Variants in RSPO3 observed in about 807,000 individuals in gnomAD.
RSPO3 encodes R-spondin-3.
Under a neutral mutation model 36.5 loss-of-function variants are expected in RSPO3, and 17 were observed. That is an observed-to-expected ratio of 0.47 (90% CI 0.32 to 0.70). RSPO3 has a LOEUF of 0.70. Ranked by LOEUF, RSPO3 falls within the 30% of genes least tolerant of loss-of-function variation. The pLI is 0.04. For synonymous variants in RSPO3, 108 were observed against 107.0 expected (o/e 1.01, Z -0.06); for missense variants, 294 against 322.5 (o/e 0.91, Z 0.68).
intron 4 of RSPO3, among the ~76,000 whole-genome samples, chr6:127,195,561 T>C (rs1775497700): frequency 6.6e-6 from 1 of 152,198 alleles, no homozygotes; most frequent in Admixed American, 6.5e-5. Flanking sequence ...GTAAAATAAG[T>C]TCCAAACTTA....
intron 4 of RSPO3, among the ~76,000 whole-genome samples, chr6:127,162,544 A>G (rs952416687): frequency 7.9e-5 from 12 of 152,178 alleles, no homozygotes; most frequent in African/African-American, 2.9e-4. Context: ...GAACAGGAAG[A>G]ATAAATAAAA....
intron 1 of RSPO3, among the ~76,000 whole-genome samples, chr6:127,145,195 A>G (rs1483810980): frequency 1.3e-5 from 2 of 151,908 alleles, no homozygotes; most frequent in Non-Finnish European, 2.9e-5. Flanking sequence ...ACCTTTTCAA[A>G]TCCTCTTTCT....
chr6:127,168,495 G>C (rs925439721), intron 4 of RSPO3, among the ~76,000 whole-genome samples: 26 of 152,188 alleles, frequency 1.7e-4, no homozygotes, highest in African/African-American at 5.8e-4. Context: ...GTACATTCTG[G>C]ATATTAGCCC....
intron 1 of RSPO3, among the ~76,000 whole-genome samples, chr6:127,136,600 G>A (rs1053869751): frequency 3.3e-5 from 5 of 152,108 alleles, no homozygotes; most frequent in Non-Finnish European, 5.9e-5. Context: ...CTTTTGGAAT[G>A]GGCAGAACAG....
rs558099069 is a variant in RSPO3, at chr6:127,197,160, T to C, written c.*1153T>C. 1.6e-5 allele frequency: 6 copies of C among 369,218 alleles called. No homozygotes were observed. Among genetic ancestry groups the C allele is most frequent in the Non-Finnish European group, 2.5e-5 (5 of 203,660 alleles). 22.9% of individuals were successfully genotyped at this position (369,218 alleles called of 1,614,324 possible). Reference sequence around the variant, plus strand: ...CCTGGTTCCTATGTAATTCAGAATATATTACATTTCTCAGTAATATTTGTT... The same window carrying C: ...CCTGGTTCCTATGTAATTCAGAATACATTACATTTCTCAGTAATATTTGTT... On this transcript the variant is annotated 3_prime_UTR_variant, in exon 5 of 5. Coordinates refer to ENST00000356698, the MANE Select transcript of RSPO3 (RefSeq NM_032784.5).
At chr6:127,144,644 T>TTTTTTTG (rs775151866) in intron 1 of RSPO3, among the ~76,000 whole-genome samples, 1 of 83,336 alleles carries the variant, frequency 1.2e-5, no homozygotes, top group African/African-American at 4.3e-5. Flanking sequence ...CTTCCCCTTG[T>TTTTTTTG]TTTTTTTTTT....
chr6:127,145,482 A>G (rs558901768), intron 1 of RSPO3, among the ~76,000 whole-genome samples: 34 of 152,208 alleles, frequency 2.2e-4, no homozygotes, highest in African/African-American at 7.5e-4. Flanking sequence ...CCTATCTCAC[A>G]AAAGTTTCTG....
intron 1 of RSPO3, among the ~76,000 whole-genome samples, chr6:127,142,982 ATTT>A (rs34440525): frequency 4.9e-5 from 7 of 143,188 alleles, no homozygotes; most frequent in Admixed American, 6.9e-5. Flanking sequence ...TGCCCAGCTA[ATTT>A]TTTTTTTTTT....
At chr6:127,179,373 A>G (rs1427689113) in intron 4 of RSPO3, among the ~76,000 whole-genome samples, 1 of 151,814 alleles carries the variant, frequency 6.6e-6, no homozygotes, top group Non-Finnish European at 1.5e-5. Context: ...CTTATCAATA[A>G]ATTCACCTTA....
At chr6:127,131,113 G>C (rs1217832888) in intron 1 of RSPO3, among the ~76,000 whole-genome samples, 1 of 152,016 alleles carries the variant, frequency 6.6e-6, no homozygotes, top group Non-Finnish European at 1.5e-5. Context: ...CAGATCAGTG[G>C]GATTTCCTTG....
intron 4 of RSPO3, among the ~76,000 whole-genome samples, chr6:127,193,812 T>C (rs1330691113): frequency 1.3e-5 from 2 of 152,308 alleles, no homozygotes; most frequent in African/African-American, 4.8e-5. Context: ...CCTGATCCCT[T>C]CTGTAGAAAT....
At chr6:127,181,955 A>G (rs1385168220) in intron 4 of RSPO3, among the ~76,000 whole-genome samples, 2 of 151,886 alleles carry the variant, frequency 1.3e-5, no homozygotes, top group Non-Finnish European at 2.9e-5. Flanking sequence ...CAGGCTGTAC[A>G]AGAAGCATGG....
chr6:127,195,757 TA>T (rs1775501772), intron 4 of RSPO3, 65 bp from the exon 5 acceptor site: 1 of 1,130,730 alleles, frequency 8.8e-7, no homozygotes, highest in African/African-American at 1.6e-5. Flanking sequence ...AGTCATTTTT[TA>T]AAATGTAATT....
intron 1 of RSPO3, among the ~76,000 whole-genome samples, chr6:127,140,169 G>A (rs1774242058): frequency 6.6e-6 from 1 of 152,098 alleles, no homozygotes; most frequent in South Asian, 2.1e-4. Context: ...AAAGCACAGT[G>A]TTGTTACTCT....
At chr6:127,180,487 C>CAAAAAAAAAAAAAAAAAAAAAAAAAA (rs71543112) in intron 4 of RSPO3, among the ~76,000 whole-genome samples, 4 of 42,616 alleles carry the variant, frequency 9.4e-5, no homozygotes, top group African/African-American at 1.7e-4. Context: ...TGGAAGAAAA[C>CAAAAAAAAAAAAAAAAAAAAAAAAAA]AAAAAAAAAA....
chr6:127,195,731 A>C, intron 4 of RSPO3, 92 bp from the exon 5 acceptor site: 1 of 836,134 alleles, frequency 1.2e-6, no homozygotes, highest in Non-Finnish European at 1.8e-6. Flanking sequence ...ATGATATATA[A>C]TCTAAGAGAA....
chr6:127,197,585 T>C lies in RSPO3; in HGVS notation c.*1578T>C. 6.5e-7 allele frequency: 1 copy of C among 1,529,058 alleles called. No individual in the cohort carries two copies. Among genetic ancestry groups the C allele is most frequent in the Non-Finnish European group, 8.8e-7 (1 of 1,137,564 alleles). The allele number at this position is 1,529,058 out of a possible 1,614,324, so 94.7% of individuals were successfully genotyped here. On this transcript the variant is annotated 3_prime_UTR_variant, in exon 5 of 5. Coordinates refer to ENST00000356698, the MANE Select transcript of RSPO3 (RefSeq NM_032784.5). Reference sequence around the variant, plus strand: ...AAGGATGCACGGCTGCTCTGTCCACTGTGATTCCTAGCCCTCTCAAGATCA... The same window carrying C: ...AAGGATGCACGGCTGCTCTGTCCACCGTGATTCCTAGCCCTCTCAAGATCA...
At chr6:127,127,680 G>A (rs1773964763) in intron 1 of RSPO3, among the ~76,000 whole-genome samples, 1 of 151,900 alleles carries the variant, frequency 6.6e-6, no homozygotes, top group Non-Finnish European at 1.5e-5. Context: ...TCCAGTCTAG[G>A]CTAGACTCCA....
chr6:127,153,997 C>A (rs1774541956), intron 3 of RSPO3, among the ~76,000 whole-genome samples: 1 of 152,088 alleles, frequency 6.6e-6, no homozygotes, highest in Non-Finnish European at 1.5e-5. Flanking sequence ...CAATAAAGTT[C>A]ATTTCATTTC....
Sources: allele counts gnomAD v4.1 joint callset (sites outside exome capture counted in the v4.1 genomes callset), GRCh38; gene constraint gnomAD v4.1.1; transcripts MANE v1.5; gene names NCBI Gene and HGNC (gene_info 2026-07-23, HGNC 2026-07-21).